PFKFB2: variants seen among roughly 807,000 people sequenced by gnomAD.
The protein encoded by PFKFB2 is 6-phosphofructo-2-kinase/fructose-2,6-bisphosphatase 2.
In PFKFB2, 53 loss-of-function variants were observed where a neutral mutation model predicts 68.0. That is an observed-to-expected ratio of 0.78 (90% CI 0.63 to 0.98). PFKFB2 has a LOEUF of 0.98. Among genes scored for constraint, PFKFB2 ranks in the 50% least tolerant of loss-of-function variants. The pLI is 0.00. For synonymous variants in PFKFB2, 222 were observed against 227.6 expected, an observed-to-expected ratio of 0.98 and a Z score of 0.22; for missense variants, 451 against 642.0, an observed-to-expected ratio of 0.70 and a Z score of 3.22.
Position 207,070,899 on chromosome 1 carries a change from T to G in PFKFB2, c.1223-289T>G. The G allele has an allele frequency of 1.9e-5, 7 of 365,194 alleles. No individual in the cohort carries two copies. The highest frequency in any genetic ancestry group is 6.0e-5 in the East Asian group (1 of 16,638). The allele number at this position is 365,194 out of a possible 1,614,324, so 22.6% of individuals were successfully genotyped here. A position where few individuals can be genotyped will look rare whatever the true frequency, so the allele number is the denominator to read the frequency against. On this transcript the variant is annotated intron_variant, in intron 12 of 14. Transcript: ENST00000367080. The surrounding 1 kb of genome is among the most constrained non-coding windows in gnomAD (Gnocchi z 4.2). ...CTTGGAAGCTGTTGTGGTCAGACCT[T>G]ATTGGCCTTTGCTGTACCCAGGTGA...
chr1:207,052,435 G>T, upstream of PFKFB2: 1 of 494,296 alleles, frequency 2.0e-6, no homozygotes, highest in Non-Finnish European at 3.7e-6. Context: ...GCCGAGGCGG[G>T]TGAATCACCC....
chr1:207,035,879 A>G (rs1469623888), intron 1 of PFKFB2, among the ~76,000 whole-genome samples: 2 of 152,176 alleles, frequency 1.3e-5, no homozygotes, highest in Non-Finnish European at 2.9e-5. Context: ...TACTCAGTAT[A>G]CATTTATTAA....
At chr1:207,051,139 A>T, upstream of PFKFB2, 1 of 1,418,690 alleles carries the variant, frequency 7.0e-7, no homozygotes, top group Non-Finnish European at 9.2e-7. Flanking sequence ...TTTTTCCCCC[A>T]CCCTCAGAAC....
chr1:207,041,463 T>TG (rs1682479532), intron 1 of PFKFB2, among the ~76,000 whole-genome samples: 1 of 152,158 alleles, frequency 6.6e-6, no homozygotes, highest in South Asian at 2.1e-4. Context: ...CAACTCCCAC[T>TG]TATGAGTGAG....
At position 207,076,344 on chromosome 1, in the gene PFKFB2, T is replaced by A; in HGVS notation, c.*3973T>A. 1 of 985,154 alleles carries A rather than the reference T, an allele frequency of 1.0e-6. No homozygotes were observed. The highest frequency in any genetic ancestry group is 1.2e-6 in the Non-Finnish European group (1 of 829,878). The allele number at this position is 985,154 out of a possible 1,614,324, so 61.0% of individuals were successfully genotyped here. A position where few individuals can be genotyped will look rare whatever the true frequency, so the allele number is the denominator to read the frequency against. ...AATGGGCACGGGAAAAAGTATCCAG[T>A]AATCAGAAGAATTGTATCTGGGTTA... On this transcript the variant is annotated 3_prime_UTR_variant, in exon 15 of 15. Transcript: ENST00000367080.
intron 2 of PFKFB2, chr1:207,047,148 T>G (rs1295649299): frequency 2.6e-5 from 4 of 152,568 alleles, no homozygotes; most frequent in Non-Finnish European, 5.9e-5. Flanking sequence ...ATCCCATTAA[T>G]TTGAACACAT....
chr1:207,079,275 G>C (rs1388744833), downstream of PFKFB2: 6 of 558,890 alleles, frequency 1.1e-5, no homozygotes, highest in Non-Finnish European at 1.9e-5. Context: ...TGTCATCTCT[G>C]TGCTGAGTTT....
Position 207,072,499 on chromosome 1 carries a change from A to AC in PFKFB2, c.*130dup, listed in dbSNP as rs1683495876. 6 of 1,461,152 alleles carry AC rather than the reference A, an allele frequency of 4.1e-6. No homozygotes were observed. Among genetic ancestry groups the AC allele is most frequent in the Non-Finnish European group, 5.4e-6 (6 of 1,107,830 alleles). The allele number at this position is 1,461,152 out of a possible 1,614,324, so 90.5% of individuals were successfully genotyped here. The stretch of plus-strand genomic sequence containing the variant: ...CCTCTATGCCCACCCCTGACACTTC[A>AC]CCATTAATCTTAACACAGAACATGA... On this transcript the variant is annotated 3_prime_UTR_variant, in exon 15 of 15. Coordinates refer to ENST00000367080, the MANE Select transcript of PFKFB2 (RefSeq NM_006212.2).
chr1:207,052,202 T>G (rs763934697), upstream of PFKFB2: 2 of 1,612,710 alleles, frequency 1.2e-6, no homozygotes, highest in African/African-American at 2.7e-5. Context: ...GTAAAAGACT[T>G]TGCTTCTGAA....
chr1:207,073,634 T>A lies in PFKFB2; in HGVS notation c.*1263T>A. The A allele has an allele frequency of 1.0e-6, 1 of 984,342 alleles. No homozygotes were observed. Among genetic ancestry groups the A allele is most frequent in the Non-Finnish European group, 1.2e-6 (1 of 828,924 alleles). The allele number at this position is 984,342 out of a possible 1,614,324, so 61.0% of individuals were successfully genotyped here. A position where few individuals can be genotyped will look rare whatever the true frequency, so the allele number is the denominator to read the frequency against. On this transcript the variant is annotated 3_prime_UTR_variant, in exon 15 of 15. Transcript: ENST00000367080. ...TTGTTCATAAAGAGAAACTATCTCA[T>A]CTTGATGTCCAGAGAAGTCCTTGGA... is the stretch of plus-strand genomic sequence containing the variant.
At chr1:207,045,133 G>A (rs749813839) in intron 2 of PFKFB2, 10 of 152,352 alleles carry the variant, frequency 6.6e-5, no homozygotes, top group Non-Finnish European at 1.2e-4. Context: ...TATATGACAC[G>A]TTTAAGGCCT....
Position 207,069,468 on chromosome 1 carries a change from C to T in PFKFB2, c.1032C>T (p.Tyr344=), listed in dbSNP as rs755925005. The change falls in exon 11 of 15, where the codon TAC becomes TAT. Residue 344 remains tyrosine, a synonymous_variant. Transcript: ENST00000367080. ...CCTATGCAGAGATTGAGAAACGGTA[C>T]CCAGAAGAGTTTGCACTTCGAGATC... ...EMTYAEIEKR[Y]PEEFALRDQE... is the part of the protein sequence containing the mutation. 1 of 1,613,930 alleles carries T rather than the reference C, an allele frequency of 6.2e-7. No individual in the cohort carries two copies. Among genetic ancestry groups the T allele is most frequent in the African/African-American group, 1.3e-5 (1 of 74,998 alleles).
At chr1:207,053,498 G>C (rs1051832202) in intron 1 of PFKFB2, 132 bp downstream of exon 1, 1 of 152,772 alleles carries the variant, frequency 6.5e-6, no homozygotes, top group Non-Finnish European at 1.5e-5. Context: ...TCTGGGACCG[G>C]GAGCCACAGT....
At chr1:207,069,909 T>C (rs1683415468) in intron 11 of PFKFB2, among the ~76,000 whole-genome samples, 2 of 152,186 alleles carry the variant, frequency 1.3e-5, no homozygotes, top group Non-Finnish European at 2.9e-5. Context: ...GTGGCTTCCA[T>C]ACTCTAGGGA....
chr1:207,058,604 C>CT (rs1249727040), intron 2 of PFKFB2, among the ~76,000 whole-genome samples: 7 of 151,930 alleles, frequency 4.6e-5, no homozygotes, highest in Non-Finnish European at 1.0e-4. Context: ...TTTTGTAAAT[C>CT]TTTTTTTTAA....
chr1:207,076,287 T>C lies in PFKFB2; in HGVS notation c.*3916T>C, dbSNP rs929496593. 10 of 978,412 alleles carry C rather than the reference T, an allele frequency of 1.0e-5. No individual in the cohort carries two copies. In the African/African-American group the frequency reaches 1.2e-4, roughly 12 times the overall value. 60.6% of individuals were successfully genotyped at this position (978,412 alleles called of 1,614,324 possible). On this transcript the variant is annotated 3_prime_UTR_variant, in exon 15 of 15. Transcript: ENST00000367080. ...TTTTTTTATGAGCAGGAGATCTTAA[T>C]TGACAGAAACTCATTGGTGGTTGGA...
Position 207,070,129 on chromosome 1 carries a change from G to A in PFKFB2, c.1093-151G>A. 1.3e-6 allele frequency: 1 copy of A among 754,774 alleles called. No homozygotes were observed. The highest frequency in any genetic ancestry group is 2.1e-6 in the Non-Finnish European group (1 of 468,526). The allele number at this position is 754,774 out of a possible 1,614,324, so 46.8% of individuals were successfully genotyped here. ...TTCTCAAGAGATACCAGGGCTGGGG[G>A]CAGTTAGCAGGTGATGTAAACTCAC... On this transcript the variant is annotated intron_variant, in intron 11 of 14. Coordinates refer to ENST00000367080, the MANE Select transcript of PFKFB2 (RefSeq NM_006212.2). The surrounding 1 kb of genome is among the most constrained non-coding windows in gnomAD (Gnocchi z 4.2).
At position 207,076,496 on chromosome 1, in the gene PFKFB2, T is replaced by C. The variant is rs1021868916; in HGVS notation, c.*4125T>C. The C allele has an allele frequency of 1.1e-5, 11 of 985,280 alleles. No individual in the cohort carries two copies. In the African/African-American group the frequency reaches 1.7e-4, roughly 16 times the overall value. 61.0% of individuals were successfully genotyped at this position (985,280 alleles called of 1,614,324 possible). On this transcript the variant is annotated 3_prime_UTR_variant, in exon 15 of 15. Coordinates refer to ENST00000367080, the MANE Select transcript of PFKFB2 (RefSeq NM_006212.2). ...TGACTTATTGAAAATATGTAACAAC[T>C]GAGTCGGGTTGCAGCACTGGTGGGG... is the stretch of plus-strand genomic sequence containing the variant.
chr1:207,074,605 T>C lies in PFKFB2; in HGVS notation c.*2234T>C. 1.0e-6 allele frequency: 1 copy of C among 985,374 alleles called. No homozygotes were observed. The allele number at this position is 985,374 out of a possible 1,614,324, so 61.0% of individuals were successfully genotyped here. A position where few individuals can be genotyped will look rare whatever the true frequency, so the allele number is the denominator to read the frequency against. On this transcript the variant is annotated 3_prime_UTR_variant, in exon 15 of 15. Transcript: ENST00000367080. ...CTGCTTACCTAGATTCTTCTCAAAA[T>C]TGTGTCCAAGATGTTAAGTAACCTG... is the stretch of plus-strand genomic sequence containing the variant.
Sources: allele counts gnomAD v4.1 joint callset (sites outside exome capture counted in the v4.1 genomes callset), GRCh38; gene constraint gnomAD v4.1.1; non-coding constraint Gnocchi (gnomAD v3.1); transcripts MANE v1.5; gene names NCBI Gene and HGNC (gene_info 2026-07-23, HGNC 2026-07-21).